The following COL6A3 variants were observed in gnomAD, a reference collection of about 807,000 sequenced individuals.
COL6A3 encodes collagen alpha-3(VI) chain.
COL6A3 carries 137 observed loss-of-function variants against 274.1 expected under a neutral mutation model. The ratio of observed to expected loss-of-function variants is 0.50; its 90% CI spans 0.44 to 0.58. The LOEUF is 0.58. Among genes scored for constraint, COL6A3 ranks in the 20% least tolerant of loss-of-function variants. The probability of loss-of-function intolerance (pLI) is 0.00; values close to 1 mark genes in which losing one functional copy is unlikely to be tolerated. For synonymous variants in COL6A3, 1,650 were observed against 1,650.6 expected, an observed-to-expected ratio of 1.00 and a Z score of 0.01; for missense variants, 3,950 against 4,124.9, an observed-to-expected ratio of 0.96 and a Z score of 1.16.
At chr2:237,387,309 A>G (rs925621994) in intron 4 of COL6A3, among the ~76,000 whole-genome samples, 10 of 152,202 alleles carry the variant, frequency 6.6e-5, no homozygotes, top group African/African-American at 2.4e-4. Flanking sequence ...AATAATCTCA[A>G]AGCAACAGGT....
chr2:237,336,440 G>A lies in COL6A3; in HGVS notation c.8660C>T (p.Thr2887Ile), dbSNP rs765812583. ...VTTTKPVTTT[T>I]KPVTTTTKPV... ...CTTTGTTGTGGTGGTTACAGGCTTT[G>A]TTGTGGTGGTCACCGGCTTCGTCGT... is the stretch of plus-strand genomic sequence containing the variant. The change falls in exon 40 of 44, where the codon ACA (threonine) becomes ATA (isoleucine). Residue 2887 changes from threonine (T) to isoleucine (I), a missense_variant. Thr to Ile is a moderately conservative substitution (Grantham distance 89). Coordinates refer to ENST00000295550, the MANE Select transcript of COL6A3 (RefSeq NM_004369.4). 4.3e-5 allele frequency: 69 copies of A among 1,614,114 alleles called. No homozygotes were observed. Among genetic ancestry groups the A allele is most frequent in the Non-Finnish European group, 5.3e-5 (62 of 1,180,046 alleles).
intron 41 of COL6A3, 127 bp downstream of exon 41, chr2:237,334,499 T>TTGC (rs1700427886): frequency 1.0e-6 from 1 of 963,590 alleles, no homozygotes. Context: ...TTTGTTGTTG[T>TTGC]TGCTGTTGTT....
At chr2:237,343,875 C>T in intron 36 of COL6A3, 1 of 253,606 alleles carries the variant, frequency 3.9e-6, no homozygotes, top group Non-Finnish European at 7.8e-6. Flanking sequence ...TCACTAACAG[C>T]AGGATCTTCC....
chr2:237,344,748 C>T lies in COL6A3; in HGVS notation c.7270G>A (p.Val2424Met). The change falls in exon 36 of 44, where the codon GTG (valine) becomes ATG (methionine). Residue 2424 changes from valine (V) to methionine (M), a missense_variant. By Grantham distance (21) the Val-to-Met change is conservative. Around this residue, in one of 5 missense-constraint regions of COL6A3, gnomAD observed 1,284 missense variants for 1,349.7 expected, o/e 0.95. Transcript: ENST00000295550. The surrounding 1 kb of genome is among the most constrained non-coding windows in gnomAD (Gnocchi z 4.8). ...AGGTCATTCACAATACTCAAGACCA[C>T]ATCTCGCATCCGGCCGAAAGTGTCT... ...NQDTFGRMRD[V>M]VLSIVNDLTI... is the part of the protein sequence containing the mutation. 3 of 1,601,228 alleles carry T rather than the reference C, an allele frequency of 1.9e-6. No individual in the cohort carries two copies. The highest frequency in any genetic ancestry group is 2.6e-6 in the Non-Finnish European group (3 of 1,174,028).
At chr2:237,373,045 T>A (rs1163394572) in intron 8 of COL6A3, among the ~76,000 whole-genome samples, 3 of 152,074 alleles carry the variant, frequency 2.0e-5, no homozygotes, top group Non-Finnish European at 4.4e-5. Flanking sequence ...TTGCATTTTC[T>A]TGGAGAAATA....
At position 237,381,262 on chromosome 2, in the gene COL6A3, G is replaced by T. The variant is rs1466646708; in HGVS notation, c.1550C>A (p.Pro517His). The T allele has an allele frequency of 1.9e-6, 3 of 1,614,106 alleles. No individual in the cohort carries two copies. The African/African-American group carries it at 4.0e-5, about 22-fold the overall frequency. Residue 517 changes from proline to histidine, a missense_variant, in exon 5 of 44, where the codon CCC becomes CAC. This residue lies in a region of COL6A3 where 1,934 missense variants were observed against 1,984.3 expected (regional missense o/e 0.97). Coordinates refer to ENST00000295550, the MANE Select transcript of COL6A3 (RefSeq NM_004369.4). ...CGTGTACAGGGCCGAGCCGTCCAGG[G>T]GCTTCATTTTCCGCACAGCGGTTAT... The part of the protein sequence containing the change: ...EVITAVRKMK[P>H]LDGSALYTGS...
In COL6A3 at chr2:237,379,074, G is replaced by A. The variant is rs750291186; in HGVS notation, c.2059C>T (p.Pro687Ser). 1.9e-6 allele frequency: 3 copies of A among 1,614,206 alleles called. 1 individual carries two copies. In the Admixed American group the frequency reaches 5.0e-5, roughly 27 times the overall value. The change falls in exon 6 of 44, where the codon CCT becomes TCT. Residue 687 changes from proline to serine, a missense_variant. Coordinates refer to ENST00000295550, the MANE Select transcript of COL6A3 (RefSeq NM_004369.4). ...GTGTTTAAAGAGAACTCCGTTACAG[G>A]AGTGTCACTAAATTGCACTAAACCA... is the stretch of plus-strand genomic sequence containing the variant. The part of the protein sequence containing the change: ...RVGLVQFSDT[P>S]VTEFSLNTYQ...
At chr2:237,377,549 A>C (rs909410157) in intron 6 of COL6A3, among the ~76,000 whole-genome samples, 2 of 152,220 alleles carry the variant, frequency 1.3e-5, no homozygotes, top group Non-Finnish European at 2.9e-5. Flanking sequence ...CAAAGCTAGT[A>C]ACTAGAACAG....
chr2:237,395,069 A>G lies in COL6A3; in HGVS notation c.227T>C (p.Phe76Ser), dbSNP rs745613998. Residue 76 changes from phenylalanine to serine, a missense_variant, in exon 3 of 44, where the codon TTC becomes TCC. Physicochemically the swap from Phe to Ser is radical, Grantham distance 155. Coordinates refer to ENST00000295550, the MANE Select transcript of COL6A3 (RefSeq NM_004369.4). ...GTTGAACTGGACCAGAGCAAAATGG[A>G]AATCATTTTCTCCCACAGCTAAGGA... Reference protein sequence around the residue: ...VKSLAVGENDFHFALVQFNGN... With the variant: ...VKSLAVGENDSHFALVQFNGN... 1 of 1,614,186 alleles carries G rather than the reference A, an allele frequency of 6.2e-7. No homozygotes were observed. Among genetic ancestry groups the G allele is most frequent in the Middle Eastern group, 1.6e-4 (1 of 6,062 alleles).
In COL6A3 at chr2:237,366,023, T is replaced by A. The variant is rs776513858; in HGVS notation, c.5513A>T (p.Asp1838Val). The change falls in exon 12 of 44, where the codon GAT becomes GTT. Residue 1838 changes from aspartate to valine, a missense_variant. By Grantham distance (152) the Asp-to-Val change is radical. This residue lies in a region of COL6A3 where 632 missense variants were observed against 623.4 expected (regional missense o/e 1.01). Coordinates refer to ENST00000295550, the MANE Select transcript of COL6A3 (RefSeq NM_004369.4). Reference protein sequence around the residue: ...VTDAAKACNLDVILGFDGSRD... With the variant: ...VTDAAKACNLVVILGFDGSRD... The stretch of plus-strand genomic sequence containing the variant: ...AGAACCATCAAACCCCAGAATCACA[T>A]CCAGATTACAAGCTGGAAAGGAGAA... The A allele has an allele frequency of 6.2e-7, 1 of 1,613,522 alleles. No individual in the cohort carries two copies. Among genetic ancestry groups the A allele is most frequent in the East Asian group, 2.2e-5 (1 of 44,868 alleles).
Position 237,379,000 on chromosome 2 carries a change from G to A in COL6A3, c.2133C>T (p.Leu711=), listed in dbSNP as rs1166349776. ...DILGHLRQLQ[L]QGGSGLNTGS... Reference sequence around the variant, plus strand: ...CTGTGTTCAGGCCCGAACCTCCCTGGAGCTGCAGCTGCCTCAGATGACCAA... The same window carrying A: ...CTGTGTTCAGGCCCGAACCTCCCTGAAGCTGCAGCTGCCTCAGATGACCAA... The change falls in exon 6 of 44, where the codon CTC becomes CTT. Residue 711 remains leucine (L), a synonymous_variant. Transcript: ENST00000295550. 1.2e-6 allele frequency: 2 copies of A among 1,614,190 alleles called. No individual in the cohort carries two copies. The highest frequency in any genetic ancestry group is 3.3e-5 in the Admixed American group (2 of 60,024).
chr2:237,335,041 TAAA>T, intron 40 of COL6A3, 152 bp from the exon 41 acceptor site: 1 of 798,368 alleles, frequency 1.3e-6, no homozygotes, highest in Non-Finnish European at 2.1e-6. Flanking sequence ...TTCAAGCCCC[TAAA>T]AAACATTGCT....
Position 237,324,582 on chromosome 2 carries a change from C to A in COL6A3, c.*192G>T. ...GAGAGAACTGCCTGGAGACAGAGAG[C>A]GAGGGTCCACAGACACATTAGCACC... On this transcript the variant is annotated 3_prime_UTR_variant, in exon 44 of 44. Coordinates refer to ENST00000295550, the MANE Select transcript of COL6A3 (RefSeq NM_004369.4). The A allele has an allele frequency of 1.7e-6, 1 of 604,200 alleles. No individual in the cohort carries two copies. The highest frequency in any genetic ancestry group is 2.4e-5 in the Admixed American group (1 of 42,228). The allele number at this position is 604,200 out of a possible 1,614,324, so 37.4% of individuals were successfully genotyped here.
At chr2:237,325,892 A>G (rs866628952) in intron 42 of COL6A3, 168 bp from the exon 43 acceptor site, 5 of 600,320 alleles carry the variant, frequency 8.3e-6, no homozygotes, top group Non-Finnish European at 1.5e-5. Context: ...CCTCACTGCC[A>G]TATGGACATA....
At chr2:237,329,932 T>C (rs1474907708) in intron 42 of COL6A3, 1 of 152,236 alleles carries the variant, frequency 6.6e-6, no homozygotes, top group Admixed American at 6.5e-5. Context: ...GGCCCAGTCA[T>C]GTCTACTCGG....
chr2:237,351,731 C>T (rs551007481), intron 26 of COL6A3, among the ~76,000 whole-genome samples: 1 of 152,214 alleles, frequency 6.6e-6, no homozygotes, highest in Non-Finnish European at 1.5e-5. Flanking sequence ...AGCTTTGCAT[C>T]TATACCATCT....
chr2:237,350,041 A>G lies in COL6A3; in HGVS notation c.6879+106T>C, dbSNP rs563289934. On this transcript the variant is annotated intron_variant, in intron 28 of 43. Coordinates refer to ENST00000295550, the MANE Select transcript of COL6A3 (RefSeq NM_004369.4). ...CAGTATTTCCAGCCGTATCCCCAAT[A>G]ATACAAGAAGCAAGGCTCATCTTTA... is the stretch of plus-strand genomic sequence containing the variant. The G allele has an allele frequency of 1.9e-4, 197 of 1,062,804 alleles. 1 individual carries two copies. The South Asian group carries it at 2.4e-3, about 13-fold the overall frequency. The allele number at this position is 1,062,804 out of a possible 1,614,324, so 65.8% of individuals were successfully genotyped here.
intron 20 of COL6A3, 122 bp downstream of exon 20, chr2:237,358,913 G>A (rs910410545): frequency 1.9e-5 from 19 of 1,010,534 alleles, no homozygotes; most frequent in Non-Finnish European, 2.4e-5. Context: ...ACTCACAGGG[G>A]AGGTCAGGGA....
At chr2:237,357,249 G>T in intron 23 of COL6A3, 89 bp downstream of exon 23, 1 of 1,080,440 alleles carries the variant, frequency 9.3e-7, no homozygotes, top group Non-Finnish European at 1.4e-6. Context: ...CTGCAGAGCT[G>T]TGGACTAACC....
Sources: allele counts gnomAD v4.1 joint callset (sites outside exome capture counted in the v4.1 genomes callset), GRCh38; gene constraint gnomAD v4.1.1; regional missense constraint gnomAD v4.1.1; non-coding constraint Gnocchi (gnomAD v3.1); transcripts MANE v1.5; gene names NCBI Gene and HGNC (gene_info 2026-07-23, HGNC 2026-07-21).